Variants in HS3ST4 observed in about 807,000 individuals in gnomAD.
The protein encoded by HS3ST4 is heparan sulfate-glucosamine 3-sulfotransferase 4, also known as heparan sulfate glucosamine 3-O-sulfotransferase 4.
Under a neutral mutation model 29.2 loss-of-function variants are expected in HS3ST4, and 17 were observed. The observed-to-expected ratio is 0.58, with a 90% confidence interval of 0.40 to 0.87. The LOEUF is 0.87. HS3ST4 is among the 40% of genes least tolerant of loss of function. HS3ST4 has a pLI of 0.00. For missense variants in HS3ST4, 627 were observed against 634.5 expected, an observed-to-expected ratio of 0.99 and a Z score of 0.13; for synonymous variants, 314 against 285.7, an observed-to-expected ratio of 1.10 and a Z score of -1.00.
At position 25,717,054 on chromosome 16, in the gene HS3ST4, T is replaced by TA. The variant is rs370022161; in HGVS notation, c.734+23913dup. ...GGGCAACAAGAGCAAAACTTTGTCT[T>TA]AAAAAAAAAAGGGAGGCAGGGAGGG... On this transcript the variant is annotated intron_variant, in intron 1 of 1. Transcript: ENST00000331351. 7.3e-3 allele frequency among the ~76,000 whole-genome samples: 1,075 copies of TA among 147,150 alleles called. 8 individuals are homozygous for TA. The highest frequency in any genetic ancestry group is 0.012 in the Non-Finnish European group (795 of 66,360).
intron 1 of HS3ST4, among the ~76,000 whole-genome samples, chr16:25,705,144 T>G (rs1457340103): frequency 6.6e-6 from 1 of 152,146 alleles, no homozygotes; most frequent in Non-Finnish European, 1.5e-5. Context: ...CTGGATGTAT[T>G]ATCAAAATTA....
chr16:26,094,972 C>A (rs1410649048), intron 1 of HS3ST4, among the ~76,000 whole-genome samples: 1 of 151,840 alleles, frequency 6.6e-6, no homozygotes, highest in Non-Finnish European at 1.5e-5. Context: ...ATCCTAGTCT[C>A]TGATAAAACA....
chr16:25,904,149 TG>T (rs1478157247), intron 1 of HS3ST4, among the ~76,000 whole-genome samples: 13 of 70,694 alleles, frequency 1.8e-4, no homozygotes, highest in South Asian at 1.6e-3. Flanking sequence ...GATGGATGGA[TG>T]GATGAATGGA....
At chr16:26,068,391 G>A (rs917743654) in intron 1 of HS3ST4, among the ~76,000 whole-genome samples, 6 of 152,114 alleles carry the variant, frequency 3.9e-5, no homozygotes, top group South Asian at 2.1e-4. Flanking sequence ...AAAGTTTAAC[G>A]TAGATCTTAG....
chr16:25,821,660 C>T (rs539111020), intron 1 of HS3ST4, among the ~76,000 whole-genome samples: 1 of 152,226 alleles, frequency 6.6e-6, no homozygotes, highest in Non-Finnish European at 1.5e-5. Flanking sequence ...GGCACGGTGG[C>T]TCACACCTGT....
intron 1 of HS3ST4, among the ~76,000 whole-genome samples, chr16:25,972,062 G>T (rs771259217): frequency 6.6e-6 from 1 of 152,214 alleles, no homozygotes; most frequent in African/African-American, 2.4e-5. Flanking sequence ...TTGGTTCCTA[G>T]TCTACAAAAT....
At chr16:26,090,373 A>T (rs545442946) in intron 1 of HS3ST4, among the ~76,000 whole-genome samples, 62 of 152,014 alleles carry the variant, frequency 4.1e-4, no homozygotes, top group Non-Finnish European at 8.5e-4. Flanking sequence ...GCTGTTGTCC[A>T]CGTTGGCCCA....
At chr16:25,812,737 T>C (rs1967054062) in intron 1 of HS3ST4, among the ~76,000 whole-genome samples, 1 of 151,504 alleles carries the variant, frequency 6.6e-6, no homozygotes, top group African/African-American at 2.4e-5. Context: ...AGAGTTTTGC[T>C]GTTACCCAAG....
intron 1 of HS3ST4, among the ~76,000 whole-genome samples, chr16:26,033,696 TG>T (rs1163164479): frequency 6.6e-6 from 1 of 152,054 alleles, no homozygotes; most frequent in Non-Finnish European, 1.5e-5. Flanking sequence ...CGCTCCAGCC[TG>T]GGCAACAGAG....
At chr16:25,881,802 T>C (rs1166749717) in intron 1 of HS3ST4, among the ~76,000 whole-genome samples, 2 of 152,172 alleles carry the variant, frequency 1.3e-5, no homozygotes, top group Admixed American at 1.3e-4. Flanking sequence ...GGATGGGCTG[T>C]TAGCCAGCTC....
At chr16:26,034,741 AT>A (rs548775874) in intron 1 of HS3ST4, among the ~76,000 whole-genome samples, 1 of 151,170 alleles carries the variant, frequency 6.6e-6, no homozygotes, top group Non-Finnish European at 1.5e-5. Flanking sequence ...AGGAAAGCCT[AT>A]TAAAAAAAAA....
chr16:25,998,989 T>A (rs111287220), intron 1 of HS3ST4, among the ~76,000 whole-genome samples: 4,218 of 152,288 alleles, frequency 0.028, 194 homozygotes, highest in African/African-American at 0.096. Flanking sequence ...TGAGAAGGTA[T>A]GTTTTTTTAA....
At position 26,135,833 on chromosome 16, in the gene HS3ST4, G is replaced by A. The variant is rs762212461; in HGVS notation, c.956G>A (p.Arg319Gln). ...TTTGAGGTGCTGGCCTTCAAAAACC[G>A]GACCCTCGGGCTGATCGATGCTTCC... ...PTFEVLAFKN[R>Q]TLGLIDASWS... Residue 319 changes from arginine to glutamine, a missense_variant, in exon 2 of 2, where the codon CGG becomes CAG. Transcript: ENST00000331351. 23 of 1,613,828 alleles carry A rather than the reference G, an allele frequency of 1.4e-5. No homozygotes were observed. Among genetic ancestry groups the A allele is most frequent in the South Asian group, 4.4e-5 (4 of 91,070 alleles).
intron 1 of HS3ST4, among the ~76,000 whole-genome samples, chr16:25,993,713 G>A (rs1041246103): frequency 6.6e-6 from 1 of 151,694 alleles, no homozygotes; most frequent in African/African-American, 2.4e-5. Flanking sequence ...CTATGCACTC[G>A]ATAAATGTCA....
intron 1 of HS3ST4, among the ~76,000 whole-genome samples, chr16:25,957,744 CT>C (rs1000328508): frequency 6.6e-6 from 1 of 152,156 alleles, no homozygotes; most frequent in Non-Finnish European, 1.5e-5. Flanking sequence ...AATGCATGCA[CT>C]TTAAATCACA....
rs758775475 is a variant in HS3ST4 at position 26,135,743 on chromosome 16, A to G, written c.866A>G (p.Asn289Ser). The change falls in exon 2 of 2, where the codon AAC (asparagine) becomes AGC (serine). Residue 289 changes from asparagine (N) to serine (S), a missense_variant. Asn to Ser is a conservative substitution (Grantham distance 46). This residue lies in a region of HS3ST4 where 225 missense variants were observed against 293.7 expected (regional missense o/e 0.77). Transcript: ENST00000331351. Reference sequence around the variant, plus strand: ...ATCAAACTGATTGTGGTGGTGAGAAACCCCGTGACCAGGGCCATCTCTGAC... The same window carrying G: ...ATCAAACTGATTGTGGTGGTGAGAAGCCCCGTGACCAGGGCCATCTCTGAC... Reference protein sequence around the residue: ...KDIKLIVVVRNPVTRAISDYT... With the variant: ...KDIKLIVVVRSPVTRAISDYT... 4.3e-6 allele frequency: 7 copies of G among 1,613,764 alleles called. No individual in the cohort carries two copies. The East Asian group carries it at 1.3e-4, about 31-fold the overall frequency.
chr16:25,700,684 G>A (rs543796267), intron 1 of HS3ST4, among the ~76,000 whole-genome samples: 23 of 152,224 alleles, frequency 1.5e-4, no homozygotes, highest in South Asian at 1.2e-3. Flanking sequence ...CCACCGCCCC[G>A]TTCAAGTAAT....
intron 1 of HS3ST4, among the ~76,000 whole-genome samples, chr16:25,766,518 C>T (rs1011728925): frequency 4.6e-5 from 7 of 152,208 alleles, no homozygotes; most frequent in African/African-American, 1.7e-4. Context: ...TTCCTGTCCA[C>T]TCACTCACTG....
intron 1 of HS3ST4, among the ~76,000 whole-genome samples, chr16:25,927,934 C>G (rs763758936): frequency 6.7e-6 from 1 of 149,838 alleles, no homozygotes; most frequent in Non-Finnish European, 1.5e-5. Context: ...TGCAGTGGCT[C>G]ACGCCTGTAA....
Sources: allele counts gnomAD v4.1 joint callset (sites outside exome capture counted in the v4.1 genomes callset), GRCh38; gene constraint gnomAD v4.1.1; regional missense constraint gnomAD v4.1.1; transcripts MANE v1.5; gene names NCBI Gene and HGNC (gene_info 2026-07-23, HGNC 2026-07-21).